Variants in NUP214 observed in about 807,000 individuals in gnomAD.
NUP214 encodes nucleoporin 214.
Under a neutral mutation model 196.2 loss-of-function variants are expected in NUP214, and 79 were observed. That is an observed-to-expected ratio of 0.40 (90% CI 0.34 to 0.49). The LOEUF (loss-of-function observed/expected upper bound fraction) is 0.49. Ranked by LOEUF, NUP214 falls within the 20% of genes least tolerant of loss-of-function variation. The pLI is 0.58. For missense variants in NUP214, 2,468 were observed against 2,539.0 expected (o/e 0.97, Z 0.60); for synonymous variants, 1,020 against 990.5 (o/e 1.03, Z -0.56).
At chr9:131,219,525 C>T (rs1834498209) in intron 31 of NUP214, among the ~76,000 whole-genome samples, 1 of 152,190 alleles carries the variant, frequency 6.6e-6, no homozygotes, top group Non-Finnish European at 1.5e-5. Context: ...TTGGCATGTT[C>T]TGTATCCAGA....
chr9:131,137,133 ATAAT>A (rs1831753399), intron 9 of NUP214, among the ~76,000 whole-genome samples: 1 of 152,240 alleles, frequency 6.6e-6, no homozygotes, highest in South Asian at 2.1e-4. Flanking sequence ...GACCTCAGTA[ATAAT>A]TTCTTATTAG....
chr9:131,130,143 T>TG lies in NUP214; in HGVS notation c.593-623_593-622insG, dbSNP rs1422560361. On this transcript the variant is annotated intron_variant, in intron 4 of 35. Transcript: ENST00000359428. The stretch of plus-strand genomic sequence containing the variant: ...GAGAATGATTTCTGGTTTTGTTTTT[T>TG]TTTTTTTGTTTTTTTTTTGAGACAG... Among the ~76,000 whole-genome samples, 174 of 106,074 alleles carry TG rather than the reference T, an allele frequency of 1.6e-3. 6 individuals carry two copies. Among genetic ancestry groups the TG allele is most frequent in the Middle Eastern group, 0.014 (3 of 220 alleles). 69.6% of individuals were successfully genotyped at this position (106,074 alleles called of 152,430 possible). A position where few individuals can be genotyped will look rare whatever the true frequency, so the allele number is the denominator to read the frequency against.
intron 21 of NUP214, among the ~76,000 whole-genome samples, chr9:131,173,751 A>G (rs910976877): frequency 2.6e-5 from 4 of 152,014 alleles, no homozygotes; most frequent in African/African-American, 9.7e-5. Flanking sequence ...TTATTATTAT[A>G]CTAGTGAGGG....
At chr9:131,218,695 G>T (rs754406663) in intron 31 of NUP214, among the ~76,000 whole-genome samples, 1 of 151,856 alleles carries the variant, frequency 6.6e-6, no homozygotes, top group Non-Finnish European at 1.5e-5. Flanking sequence ...TGCCAAACCC[G>T]AGTCTTAAGA....
intron 24 of NUP214, among the ~76,000 whole-genome samples, chr9:131,181,598 T>C (rs1452814624): frequency 3.3e-5 from 5 of 152,236 alleles, no homozygotes; most frequent in Admixed American, 3.3e-4. Flanking sequence ...ATATTGAGCA[T>C]CTTTTCACGT....
rs1831322537 is a variant in NUP214, at chr9:131,125,623, G to T, written c.-82G>T. On this transcript the variant is annotated 5_prime_UTR_variant, in exon 1 of 36. Coordinates refer to ENST00000359428, the MANE Select transcript of NUP214 (RefSeq NM_005085.4). The surrounding 1 kb of genome is among the most constrained non-coding windows in gnomAD (Gnocchi z 4.1). ...GCGCCGCTGGCGCTGAGGGGAGGAA[G>T]TTTGCTGTCGAGCGGCCTGGGTTCC... The T allele has an allele frequency of 6.5e-7, 1 of 1,548,272 alleles. No individual in the cohort carries two copies. The highest frequency in any genetic ancestry group is 1.2e-5 in the South Asian group (1 of 83,886).
At chr9:131,189,221 G>A (rs1292545676) in intron 26 of NUP214, 90 bp downstream of exon 26, 1 of 1,029,852 alleles carries the variant, frequency 9.7e-7, no homozygotes, top group East Asian at 2.4e-5. Context: ...GTTGCCATAG[G>A]AAACAGGAGT....
rs373748325 is a variant in NUP214 at position 131,159,497 on chromosome 9, T to G, written c.2540+11T>G. On this transcript the variant is annotated intron_variant, in intron 18 of 35. Coordinates refer to ENST00000359428, the MANE Select transcript of NUP214 (RefSeq NM_005085.4). ...AAAGAAAAAACAAAGGTGAATGAGATCTCTCATCTGCAATGTGTTGGAATA... is the reference window on the plus strand; with the variant it reads ...AAAGAAAAAACAAAGGTGAATGAGAGCTCTCATCTGCAATGTGTTGGAATA... 301 of 1,566,484 alleles carry G rather than the reference T, an allele frequency of 1.9e-4. No individual in the cohort carries two copies. Among genetic ancestry groups the G allele is most frequent in the Non-Finnish European group, 3.3e-5 (37 of 1,137,056 alleles).
intron 33 of NUP214, 165 bp downstream of exon 33, chr9:131,228,496 T>A: frequency 1.7e-6 from 1 of 591,496 alleles, no homozygotes; most frequent in Non-Finnish European, 2.7e-6. Context: ...AGGGTAAGAC[T>A]CATTTCGTTC....
At chr9:131,151,615 AAT>A (rs1488193526) in intron 16 of NUP214, 119 bp from the exon 17 acceptor site, 3 of 654,434 alleles carry the variant, frequency 4.6e-6, no homozygotes, top group Non-Finnish European at 5.1e-6. Flanking sequence ...ACCTGAGTTA[AAT>A]ATGTTCAGAT....
intron 27 of NUP214, among the ~76,000 whole-genome samples, chr9:131,194,586 T>C (rs1038182478): frequency 6.6e-6 from 1 of 152,196 alleles, no homozygotes. Context: ...TGGGATTTTC[T>C]TCCTTAGCTA....
At chr9:131,219,575 C>T (rs1276863935) in intron 31 of NUP214, among the ~76,000 whole-genome samples, 1 of 152,186 alleles carries the variant, frequency 6.6e-6, no homozygotes, top group Admixed American at 6.5e-5. Context: ...TCTCTGTCAT[C>T]CCCATAGAAT....
At position 131,146,667 on chromosome 9, in the gene NUP214, C is replaced by T. The variant is rs765712116; in HGVS notation, c.1945+363C>T. Among the ~76,000 whole-genome samples the T allele has an allele frequency of 3.3e-5, 5 of 152,160 alleles. No individual in the cohort carries two copies. The highest frequency in any genetic ancestry group is 1.9e-4 in the East Asian group (1 of 5,174). On this transcript the variant is annotated intron_variant, in intron 13 of 35. Coordinates refer to ENST00000359428, the MANE Select transcript of NUP214 (RefSeq NM_005085.4). The surrounding 1 kb of genome is among the most constrained non-coding windows in gnomAD (Gnocchi z 4.6). ...TTGTTTGGCGGGGTGCGGTGGCTCA[C>T]GCCTATAAACCCAGCACTTTGGGAG...
In NUP214 at chr9:131,164,053, T is replaced by G; in HGVS notation, c.2810-8T>G. The stretch of plus-strand genomic sequence containing the variant: ...TTAATCATTTATGGGTTTATGGATT[T>G]CTTGCAGCCAAACTGTCCCCCATGA... On this transcript the variant is annotated splice_polypyrimidine_tract_variant and splice_region_variant and intron_variant, in intron 20 of 35. Coordinates refer to ENST00000359428, the MANE Select transcript of NUP214 (RefSeq NM_005085.4). The G allele has an allele frequency of 6.2e-7, 1 of 1,614,180 alleles. No homozygotes were observed. The highest frequency in any genetic ancestry group is 8.5e-7 in the Non-Finnish European group (1 of 1,180,012).
chr9:131,142,368 A>G (rs562777095), intron 11 of NUP214, among the ~76,000 whole-genome samples: 20 of 152,370 alleles, frequency 1.3e-4, no homozygotes, highest in African/African-American at 4.6e-4. Flanking sequence ...CAGTTGGTCC[A>G]GAGGTTATAG....
intron 31 of NUP214, among the ~76,000 whole-genome samples, chr9:131,219,207 A>C (rs1196361276): frequency 4.6e-5 from 7 of 152,180 alleles, no homozygotes; most frequent in Non-Finnish European, 8.8e-5. Context: ...TGATAGGAAA[A>C]TCAGGTCCAA....
chr9:131,190,609 C>G (rs772126245), intron 26 of NUP214: 23 of 547,530 alleles, frequency 4.2e-5, no homozygotes, highest in Non-Finnish European at 6.4e-5. Context: ...GAATAGTTCT[C>G]TTATTAGTAA....
rs1048428976 is a variant in NUP214 at position 131,197,882 on chromosome 9, C to G, written c.4388C>G (p.Pro1463Arg). Residue 1463 changes from proline (P) to arginine (R), a missense_variant, in exon 29 of 36, where the codon CCC (proline) becomes CGC (arginine). Coordinates refer to ENST00000359428, the MANE Select transcript of NUP214 (RefSeq NM_005085.4). ...SAPPPTTAATPLPTSFPTLSF... is the reference protein window; with the variant it reads ...SAPPPTTAATRLPTSFPTLSF... ...CCACCACCAACTACAGCTGCCACTCCCCTTCCAACATCATTCCCCACATTG... is the reference window on the plus strand; with the variant it reads ...CCACCACCAACTACAGCTGCCACTCGCCTTCCAACATCATTCCCCACATTG... 6.2e-7 allele frequency: 1 copy of G among 1,613,900 alleles called. No individual in the cohort carries two copies. The highest frequency in any genetic ancestry group is 1.3e-5 in the African/African-American group (1 of 75,038).
chr9:131,172,766 T>C (rs903503124), intron 21 of NUP214, among the ~76,000 whole-genome samples: 1 of 152,262 alleles, frequency 6.6e-6, no homozygotes, highest in African/African-American at 2.4e-5. Context: ...TGGTTTTTAG[T>C]GGCATTTGTT....
Sources: gnomAD v4.1 joint callset for allele counts (sites outside exome capture counted in the v4.1 genomes callset) on GRCh38, gnomAD v4.1.1 for gene constraint, Gnocchi (gnomAD v3.1) non-coding constraint, MANE v1.5 for transcripts, NCBI Gene and HGNC (gene_info 2026-07-23, HGNC 2026-07-21) for gene names.